PACS2: variants seen among roughly 807,000 people sequenced by gnomAD.
PACS2 encodes phosphofurin acidic cluster sorting protein 2.
PACS2 carries 36 observed loss-of-function variants against 113.0 expected under a neutral mutation model. That is an observed-to-expected ratio of 0.32 (90% CI 0.24 to 0.42). The LOEUF is 0.42. PACS2 is among the 10% of genes least tolerant of loss of function. The pLI is 1.00. For synonymous variants in PACS2, 589 were observed against 536.1 expected, an observed-to-expected ratio of 1.10 and a Z score of -1.36; for missense variants, 1,015 against 1,239.5, an observed-to-expected ratio of 0.82 and a Z score of 2.72.
rs2141251854 is a variant in PACS2 at position 105,383,531 on chromosome 14, C to T, written c.1780+18C>T. On this transcript the variant is annotated intron_variant, in intron 16 of 24. Transcript: ENST00000447393. ...CCCACTGGGTGAGCACCACGCCGTC[C>T]ACCTGGGCCTGGGCACAGATGCCAC... 6.4e-7 allele frequency: 1 copy of T among 1,565,378 alleles called. No homozygotes were observed. The highest frequency in any genetic ancestry group is 8.7e-7 in the Non-Finnish European group (1 of 1,155,280).
chr14:105,314,691 C>A (rs1275204201), upstream of PACS2: 1 of 141,260 alleles, frequency 7.1e-6, no homozygotes, highest in Non-Finnish European at 1.6e-5. Context: ...GCGCGCGGGG[C>A]GGCCGGGGGC....
intron 4 of PACS2, among the ~76,000 whole-genome samples, chr14:105,364,462 C>T (rs1362481749): frequency 1.2e-3 from 123 of 101,370 alleles, no homozygotes; most frequent in Admixed American, 4.1e-3. Flanking sequence ...GCGCGGTGGG[C>T]GGCGTCCCGG....
rs782583159 is a variant in PACS2, at chr14:105,393,257, G to A, written c.2518G>A (p.Val840Met). 9 of 1,612,754 alleles carry A rather than the reference G, an allele frequency of 5.6e-6. No homozygotes were observed. The highest frequency in any genetic ancestry group is 3.3e-5 in the South Asian group (3 of 91,088). Residue 840 changes from valine (V) to methionine (M), a missense_variant, in exon 24 of 25, where the codon GTG (valine) becomes ATG (methionine). By Grantham distance (21) the Val-to-Met change is conservative. Coordinates refer to ENST00000447393, the MANE Select transcript of PACS2 (RefSeq NM_001100913.3). ...FLPKKAKDKD[V>M]ESKSQCIEGI... is the part of the protein sequence containing the mutation. ...GCCCAAGAAAGCGAAGGACAAGGAC[G>A]TGGAGTCTAAGAGCCAGTGCATTGA...
intron 1 of PACS2, among the ~76,000 whole-genome samples, chr14:105,341,120 C>T (rs1386118169): frequency 6.6e-6 from 1 of 152,270 alleles, no homozygotes; most frequent in Non-Finnish European, 1.5e-5. Context: ...CAGTGCGTTT[C>T]TGTGGTCAGG....
At chr14:105,390,948 C>T in intron 20 of PACS2, 2 of 553,742 alleles carry the variant, frequency 3.6e-6, no homozygotes, top group South Asian at 4.4e-5. Context: ...TTTGCAGCTG[C>T]CCTGAGGGCC....
intron 17 of PACS2, 53 bp downstream of exon 17, chr14:105,384,516 G>A (rs949726689): frequency 1.4e-5 from 16 of 1,155,230 alleles, no homozygotes; most frequent in Admixed American, 5.6e-5. Context: ...AAGGGGCCCC[G>A]GTTTCCCCAG....
In PACS2 at chr14:105,347,560, C is replaced by T. The variant is rs139930544; in HGVS notation, c.120-933C>T. 7.9e-5 allele frequency among the ~76,000 whole-genome samples: 12 copies of T among 152,294 alleles called. 1 individual carries two copies. The highest frequency in any genetic ancestry group is 2.9e-4 in the African/African-American group (12 of 41,550). On this transcript the variant is annotated intron_variant, in intron 1 of 24. Coordinates refer to ENST00000447393, the MANE Select transcript of PACS2 (RefSeq NM_001100913.3). ...CCAGACTTCCCCAAGGGAAAGTGTC[C>T]CCAGCACAGACTCAGCCACTCAGAA...
chr14:105,376,785 G>A lies in PACS2; in HGVS notation c.819G>A (p.Gln273=), dbSNP rs2141208731. 6.2e-7 allele frequency: 1 copy of A among 1,613,012 alleles called. No homozygotes were observed. Among genetic ancestry groups the A allele is most frequent in the Non-Finnish European group, 8.5e-7 (1 of 1,179,832 alleles). The change falls in exon 9 of 25, where the codon CAG becomes CAA. Residue 273 remains glutamine, a synonymous_variant. Coordinates refer to ENST00000447393, the MANE Select transcript of PACS2 (RefSeq NM_001100913.3). The surrounding 1 kb of genome is among the most constrained non-coding windows in gnomAD (Gnocchi z 4.7). ...KVSDEVLDSE[Q]DPAEHIPEAE... ...CCGTGCAGGTCCTGGACTCGGAGCA[G>A]GACCCTGCGGAGCACATCCCCGAGG...
rs2061258495 is a variant in PACS2 at position 105,374,145 on chromosome 14, A to G, written c.802-2623A>G. 2.0e-5 allele frequency among the ~76,000 whole-genome samples: 3 copies of G among 147,094 alleles called. No homozygotes were observed. In the Admixed American group the frequency reaches 2.1e-4, roughly 10 times the overall value. On this transcript the variant is annotated intron_variant, in intron 8 of 24. Transcript: ENST00000447393. ...ACTCCAGCCTGGGCGACACAGCGAG[A>G]CTCTGTCTCAAAAAAAAAAAAAAAA...
chr14:105,387,276 C>A (rs1555413798), intron 19 of PACS2, among the ~76,000 whole-genome samples: 1 of 152,230 alleles, frequency 6.6e-6, no homozygotes, highest in East Asian at 1.9e-4. Flanking sequence ...CTGCGAGAGT[C>A]CCTCGTGAGG....
At chr14:105,387,791 G>A (rs1304300195) in intron 19 of PACS2, among the ~76,000 whole-genome samples, 1 of 152,222 alleles carries the variant, frequency 6.6e-6, no homozygotes, top group Non-Finnish European at 1.5e-5. Flanking sequence ...CTCGGTGGGG[G>A]GGTCTGGCTC....
At chr14:105,362,016 G>A (rs150283854) in intron 4 of PACS2, among the ~76,000 whole-genome samples, 12 of 151,956 alleles carry the variant, frequency 7.9e-5, no homozygotes, top group African/African-American at 2.4e-4. Flanking sequence ...CCAGCTACTC[G>A]GGAGGCTGAG....
intron 20 of PACS2, 75 bp from the exon 21 acceptor site, chr14:105,391,132 C>T (rs777530476): frequency 2.0e-4 from 225 of 1,153,534 alleles, no homozygotes; most frequent in Non-Finnish European, 1.8e-4. Flanking sequence ...GGTGGGGAGG[C>T]GGGAGCCCCA....
intron 17 of PACS2, 85 bp from the exon 18 acceptor site, chr14:105,384,794 C>A: frequency 1.1e-6 from 1 of 871,236 alleles, no homozygotes; most frequent in South Asian, 1.5e-5. Context: ...GAGGCCTGGG[C>A]GGGGCACCGG....
Position 105,358,216 on chromosome 14 carries a change from G to A in PACS2, c.423+3039G>A, listed in dbSNP as rs375087706. On this transcript the variant is annotated intron_variant, in intron 4 of 24. Coordinates refer to ENST00000447393, the MANE Select transcript of PACS2 (RefSeq NM_001100913.3). The surrounding 1 kb of genome is among the most constrained non-coding windows in gnomAD (Gnocchi z 4.9). ...GAGTCCAAGGTGGCCCAGGGTAGGG[G>A]CCGGGCCTCATGGGTGCCAGGAGCT... Among the ~76,000 whole-genome samples the A allele has an allele frequency of 3.3e-5, 5 of 152,210 alleles. No homozygotes were observed. The highest frequency in any genetic ancestry group is 1.2e-4 in the African/African-American group (5 of 41,462).
intron 16 of PACS2, chr14:105,383,888 C>T (rs587774413): frequency 6.9e-6 from 2 of 288,632 alleles, no homozygotes; most frequent in Non-Finnish European, 1.3e-5. Flanking sequence ...AAGCAGGGCT[C>T]GTTATTAATC....
chr14:105,328,797 A>C (rs1238923369), intron 1 of PACS2, among the ~76,000 whole-genome samples: 1 of 152,192 alleles, frequency 6.6e-6, no homozygotes, highest in Non-Finnish European at 1.5e-5. Context: ...CTCATTGTAA[A>C]AAAGATTCCA....
rs782762982 is a variant in PACS2 at position 105,354,931 on chromosome 14, C to T, written c.298-121C>T. 1.7e-4 allele frequency: 163 copies of T among 964,888 alleles called. No homozygotes were observed. The highest frequency in any genetic ancestry group is 2.3e-4 in the Non-Finnish European group (147 of 646,528). 59.8% of individuals were successfully genotyped at this position (964,888 alleles called of 1,614,324 possible). A position where few individuals can be genotyped will look rare whatever the true frequency, so the allele number is the denominator to read the frequency against. ...GGGGGCCCGTCTGTGGGTGCCCTTCCGATCTCATGGGCAGCAGGTTGGCCT... is the reference window on the plus strand; with the variant it reads ...GGGGGCCCGTCTGTGGGTGCCCTTCTGATCTCATGGGCAGCAGGTTGGCCT... On this transcript the variant is annotated intron_variant, in intron 3 of 24. Transcript: ENST00000447393. The surrounding 1 kb of genome is among the most constrained non-coding windows in gnomAD (Gnocchi z 4.2).
upstream of PACS2, among the ~76,000 whole-genome samples, chr14:105,310,822 CAG>C (rs2058334600): frequency 6.6e-6 from 1 of 152,352 alleles, no homozygotes; most frequent in African/African-American, 2.4e-5. Context: ...CCCCATCACA[CAG>C]AGATACTTTC....
Sources: allele counts gnomAD v4.1 joint callset (sites outside exome capture counted in the v4.1 genomes callset), GRCh38; gene constraint gnomAD v4.1.1; non-coding constraint Gnocchi (gnomAD v3.1); transcripts MANE v1.5; gene names NCBI Gene and HGNC (gene_info 2026-07-23, HGNC 2026-07-21).